CAST: variants seen among roughly 807,000 people sequenced by gnomAD.
The protein encoded by CAST is MIR583 host.
CAST carries 76 observed loss-of-function variants against 119.6 expected under a neutral mutation model. That is an observed-to-expected ratio of 0.64 (90% confidence interval 0.53 to 0.77). The LOEUF (loss-of-function observed/expected upper bound fraction) is 0.77, where lower values mean the gene tolerates loss of function less well. CAST is among the 30% of genes least tolerant of loss of function. The pLI is 0.00. For missense variants in CAST, 953 were observed against 946.5 expected, an observed-to-expected ratio of 1.01 and a Z score of -0.09; for synonymous variants, 319 against 331.6, an observed-to-expected ratio of 0.96 and a Z score of 0.41.
the CAST span, among the ~76,000 whole-genome samples, chr5:95,988,974 A>T: frequency 6.6e-6 from 1 of 152,188 alleles, no homozygotes; most frequent in Admixed American, 6.5e-5. Flanking sequence ...TCTTTGTCAT[A>T]TCTTTTGGAA....
At chr5:96,747,485 A>G in intron 18 of CAST, 93 bp downstream of exon 18, 1 of 836,386 alleles carries the variant, frequency 1.2e-6, no homozygotes, top group Non-Finnish European at 2.0e-6. Flanking sequence ...TTCACTGTGC[A>G]GACTTGCATG....
chr5:96,108,016 C>A, the CAST span, among the ~76,000 whole-genome samples: 2 of 151,772 alleles, frequency 1.3e-5, no homozygotes, highest in African/African-American at 4.8e-5. Context: ...TTGATCGCAT[C>A]GGCTCCTGAG....
chr5:96,601,392 C>G (rs1267204562), intron 1 of CAST, among the ~76,000 whole-genome samples: 1 of 152,162 alleles, frequency 6.6e-6, no homozygotes, highest in Non-Finnish European at 1.5e-5. Flanking sequence ...GGATCTGTGA[C>G]CTTGGCAGAA....
At chr5:96,398,981 C>T in the CAST span, 1 of 1,612,716 alleles carries the variant, frequency 6.2e-7, no homozygotes, top group Non-Finnish European at 8.5e-7. Flanking sequence ...TTTTCTTGTC[C>T]TTCACAAGCT....
the CAST span, among the ~76,000 whole-genome samples, chr5:96,037,840 G>A: frequency 6.6e-6 from 1 of 152,110 alleles, no homozygotes; most frequent in Admixed American, 6.6e-5. Context: ...AGGCTTGCCT[G>A]GGGTGGATAT....
the CAST span, among the ~76,000 whole-genome samples, chr5:96,203,170 G>A: frequency 3.3e-5 from 5 of 151,166 alleles, no homozygotes; most frequent in South Asian, 2.1e-4. Flanking sequence ...ATAATATATC[G>A]TGATCACCTT....
intron 1 of CAST, among the ~76,000 whole-genome samples, chr5:96,652,753 G>A (rs1241980972): frequency 6.6e-6 from 1 of 152,220 alleles, no homozygotes; most frequent in Admixed American, 6.5e-5. Flanking sequence ...AATATAAGAT[G>A]TGATATCTGA....
the CAST span, among the ~76,000 whole-genome samples, chr5:96,274,214 G>C: frequency 6.6e-6 from 1 of 151,636 alleles, no homozygotes; most frequent in Admixed American, 6.6e-5. Flanking sequence ...CCATTCTCCT[G>C]CCTCAGCCTC....
chr5:96,031,542 G>A, the CAST span, among the ~76,000 whole-genome samples: 1 of 152,094 alleles, frequency 6.6e-6, no homozygotes, highest in Admixed American at 6.6e-5. Flanking sequence ...TCTTCACTTT[G>A]TAGTGGAAGT....
At chr5:96,180,998 C>T in the CAST span, among the ~76,000 whole-genome samples, 2 of 152,188 alleles carry the variant, frequency 1.3e-5, no homozygotes, top group African/African-American at 4.8e-5. Flanking sequence ...ATATATAGAT[C>T]TCCATACAGA....
the CAST span, among the ~76,000 whole-genome samples, chr5:96,164,588 A>AAATTATAT: frequency 6.6e-6 from 1 of 152,194 alleles, no homozygotes; most frequent in East Asian, 1.9e-4. Flanking sequence ...TTGAATACCC[A>AAATTATAT]CTCTGTGCCA....
intron 1 of CAST, among the ~76,000 whole-genome samples, chr5:96,599,633 C>T (rs1285741988): frequency 6.6e-6 from 1 of 152,092 alleles, no homozygotes; most frequent in African/African-American, 2.4e-5. Context: ...ACTCTGGTAA[C>T]TTTAAGTCAG....
the CAST span, among the ~76,000 whole-genome samples, chr5:96,199,996 A>G: frequency 1.3e-5 from 2 of 152,122 alleles, no homozygotes; most frequent in African/African-American, 4.8e-5. Context: ...ATTGTTCTTG[A>G]ATATGATAAT....
At chr5:96,469,289 A>G in the CAST span, among the ~76,000 whole-genome samples, 1 of 152,110 alleles carries the variant, frequency 6.6e-6, no homozygotes, top group Non-Finnish European at 1.5e-5. Flanking sequence ...TAGCCTATAC[A>G]ACTCTAATTT....
the CAST span, among the ~76,000 whole-genome samples, chr5:96,497,687 T>C: frequency 1.3e-5 from 2 of 152,210 alleles, no homozygotes; most frequent in Non-Finnish European, 1.5e-5. Context: ...TCATATCCTT[T>C]GCCCACTTTT....
At chr5:96,107,655 C>T in the CAST span, among the ~76,000 whole-genome samples, 3 of 152,134 alleles carry the variant, frequency 2.0e-5, no homozygotes, top group African/African-American at 7.2e-5. Context: ...CTGCCCTTAA[C>T]ATTTTTTCCT....
the CAST span, among the ~76,000 whole-genome samples, chr5:96,126,815 G>A: frequency 1.3e-5 from 2 of 152,074 alleles, no homozygotes; most frequent in Non-Finnish European, 2.9e-5. Flanking sequence ...CTTTTTAGGT[G>A]AGAAAATTAA....
the CAST span, among the ~76,000 whole-genome samples, chr5:96,283,960 G>A: frequency 6.6e-6 from 1 of 152,180 alleles, no homozygotes; most frequent in African/African-American, 2.4e-5. Flanking sequence ...ACCATGGGTT[G>A]GAAGGAGTCT....
chr5:95,993,951 ATTACT>A, the CAST span, among the ~76,000 whole-genome samples: 4 of 152,090 alleles, frequency 2.6e-5, no homozygotes, highest in African/African-American at 9.7e-5. Context: ...ATTTAAATTA[ATTACT>A]TTAAATTAAA....
Sources: allele counts gnomAD v4.1 joint callset (sites outside exome capture counted in the v4.1 genomes callset), GRCh38; gene constraint gnomAD v4.1.1; transcripts MANE v1.5; gene names NCBI Gene and HGNC (gene_info 2026-07-23, HGNC 2026-07-21).